PRSS56: variants seen among roughly 807,000 people sequenced by gnomAD.
PRSS56 encodes the protein serine protease 56.
Under a neutral mutation model 66.8 loss-of-function variants are expected in PRSS56, and 55 were observed. The ratio of observed to expected loss-of-function variants is 0.82; its 90% CI spans 0.66 to 1.03. The LOEUF is 1.03. Ranked by LOEUF, PRSS56 falls within the 50% of genes least tolerant of loss-of-function variation. PRSS56 has a pLI of 0.00. For missense variants in PRSS56, 869 were observed against 837.2 expected, an observed-to-expected ratio of 1.04 and a Z score of -0.47; for synonymous variants, 409 against 387.9, an observed-to-expected ratio of 1.05 and a Z score of -0.64.
chr2:232,524,434 G>A, intron 11 of PRSS56, 65 bp downstream of exon 11: 1 of 1,461,174 alleles, frequency 6.8e-7, no homozygotes, highest in Non-Finnish European at 9.2e-7. Context: ...GGTCGGAAGC[G>A]CTTCTACTGC....
rs532767577 is a variant in PRSS56, at chr2:232,522,017, C to T, written c.303C>T (p.Ala101=). The part of the protein sequence containing the change: ...RRPSTANVTR[A]HGRIVGGSAA... ...CGAGCACTGCCAATGTGACGCGGGC[C>T]CACGGCCGCATCGTGGGGGGCAGCG... Residue 101 remains alanine, a synonymous_variant, in exon 4 of 13, where the codon GCC becomes GCT. Transcript: ENST00000617714. 2.1e-4 allele frequency: 308 copies of T among 1,455,146 alleles called. No homozygotes were observed. Among genetic ancestry groups the T allele is most frequent in the Admixed American group, 1.1e-3 (44 of 38,716 alleles). The allele number at this position is 1,455,146 out of a possible 1,614,324, so 90.1% of individuals were successfully genotyped here. A position where few individuals can be genotyped will look rare whatever the true frequency, so the allele number is the denominator to read the frequency against.
Position 232,524,731 on chromosome 2 carries a change from C to T in PRSS56, c.1415-7C>T. 2.0e-6 allele frequency: 3 copies of T among 1,511,694 alleles called. No individual in the cohort carries two copies. Among genetic ancestry groups the T allele is most frequent in the Non-Finnish European group, 2.7e-6 (3 of 1,128,924 alleles). The allele number at this position is 1,511,694 out of a possible 1,614,324, so 93.6% of individuals were successfully genotyped here. On this transcript the variant is annotated splice_polypyrimidine_tract_variant and splice_region_variant and intron_variant, in intron 11 of 12. Transcript: ENST00000617714. ...CATTATTCCCGGGGCCTCTCCTCTT[C>T]CTCCAGGCTGCCCTGGGCTGGAGCC... is the stretch of plus-strand genomic sequence containing the variant.
rs730882159 is a variant in PRSS56, at chr2:232,523,180, C to CG, written c.833dup (p.Val279ArgfsTer2). On this transcript the variant is annotated frameshift_variant, in exon 7 of 13. Transcript: ENST00000617714. LOFTEE classifies it high-confidence loss of function. ...ACCATGCTCTGCGCCGGGTACCTGGCGGGGGGCGTTGACTCGTGCCAGGTA... is the reference window on the plus strand; with the variant it reads ...ACCATGCTCTGCGCCGGGTACCTGGCGGGGGGGCGTTGACTCGTGCCAGGTA... 1.3e-5 allele frequency: 19 copies of CG among 1,481,834 alleles called. No homozygotes were observed. Among genetic ancestry groups the CG allele is most frequent in the Non-Finnish European group, 1.7e-5 (19 of 1,119,774 alleles). 91.8% of individuals were successfully genotyped at this position (1,481,834 alleles called of 1,614,324 possible).
chr2:232,522,557 G>A lies in PRSS56; in HGVS notation c.489G>A (p.Gly163=), dbSNP rs1691305150. Reference sequence around the variant, plus strand: ...TGTGGACTGTGACGCTGGCAGAGGGGTCCCGGGGGGAGCAAGCGGAGGAGG... The same window carrying A: ...TGTGGACTGTGACGCTGGCAGAGGGATCCCGGGGGGAGCAAGCGGAGGAGG... ...ELLWTVTLAE[G]SRGEQAEEVP... The change falls in exon 5 of 13, where the codon GGG becomes GGA. Residue 163 remains glycine, a synonymous_variant. Transcript: ENST00000617714. The A allele has an allele frequency of 4.6e-6, 7 of 1,535,292 alleles. No homozygotes were observed. Among genetic ancestry groups the A allele is most frequent in the South Asian group, 2.4e-5 (2 of 84,006 alleles).
chr2:232,524,108 C>G lies in PRSS56; in HGVS notation c.1256C>G (p.Pro419Arg), dbSNP rs1431816684. Residue 419 changes from proline to arginine, a missense_variant, in exon 10 of 13, where the codon CCG becomes CGG. By Grantham distance (103) the Pro-to-Arg change is moderately radical (BLOSUM62 -2). Coordinates refer to ENST00000617714, the MANE Select transcript of PRSS56 (RefSeq NM_001195129.2). ...RNAQELLGPR[P>R]GLRRLAPALA... The stretch of plus-strand genomic sequence containing the variant: ...GCGCAGGAGCTGCTCGGGCCTCGTC[C>G]GGGACTGCGGCGCCTGGCCCCCGCC... The G allele has an allele frequency of 6.6e-7, 1 of 1,515,218 alleles. No individual in the cohort carries two copies. The highest frequency in any genetic ancestry group is 1.4e-5 in the African/African-American group (1 of 70,496). 93.9% of individuals were successfully genotyped at this position (1,515,218 alleles called of 1,614,324 possible). A position where few individuals can be genotyped will look rare whatever the true frequency, so the allele number is the denominator to read the frequency against.
At position 232,522,611 on chromosome 2, in the gene PRSS56, C is replaced by T; in HGVS notation, c.543C>T (p.Pro181=). Residue 181 remains proline (P), a synonymous_variant, in exon 5 of 13, where the codon CCC becomes CCT. Transcript: ENST00000617714. The part of the protein sequence containing the change: ...EVPVNRILPH[P]KFDPRTFHND... ...CAGTGAACCGCATCCTGCCCCACCC[C>T]AAGGTGAGAAGGCAGTCCCCAGGCC... The T allele has an allele frequency of 6.5e-7, 1 of 1,535,192 alleles. No homozygotes were observed. The highest frequency in any genetic ancestry group is 8.7e-7 in the Non-Finnish European group (1 of 1,146,370).
intron 2 of PRSS56, 27 bp from the exon 3 acceptor site, chr2:232,521,789 G>A: frequency 1.3e-6 from 2 of 1,535,246 alleles, no homozygotes; most frequent in African/African-American, 2.7e-5. Flanking sequence ...GGGCAGCAGT[G>A]AGACTCAAAG....
intron 2 of PRSS56, 44 bp downstream of exon 2, chr2:232,521,472 C>G: frequency 7.0e-7 from 1 of 1,437,676 alleles, no homozygotes; most frequent in Non-Finnish European, 9.5e-7. Context: ...TGCTGCCTAC[C>G]CTGGGCCCAT....
Position 232,522,309 on chromosome 2 carries a change from C to G in PRSS56, c.446+149C>G, listed in dbSNP as rs1215822110. The G allele has an allele frequency of 4.1e-5, 37 of 892,658 alleles. No individual in the cohort carries two copies. In the East Asian group the frequency reaches 1.2e-3, roughly 28 times the overall value. The allele number at this position is 892,658 out of a possible 1,614,324, so 55.3% of individuals were successfully genotyped here. A position where few individuals can be genotyped will look rare whatever the true frequency, so the allele number is the denominator to read the frequency against. On this transcript the variant is annotated intron_variant, in intron 4 of 12. Coordinates refer to ENST00000617714, the MANE Select transcript of PRSS56 (RefSeq NM_001195129.2). ...CCCGGGCTTCCCCATCTCAAGGCGCCGCGCCCGCCCCGCCAGGATGCCAGC... is the reference window on the plus strand; with the variant it reads ...CCCGGGCTTCCCCATCTCAAGGCGCGGCGCCCGCCCCGCCAGGATGCCAGC...
At chr2:232,524,232 C>G (rs1691353843) in intron 10 of PRSS56, 29 bp downstream of exon 10, 3 of 1,534,144 alleles carry the variant, frequency 2.0e-6, no homozygotes, top group Non-Finnish European at 8.7e-7. Flanking sequence ...CCCAGCCCAG[C>G]CCTGGCCCGG....
At position 232,525,290 on chromosome 2, in the gene PRSS56, G is replaced by T. The variant is rs754483534; in HGVS notation, c.1596G>T (p.Arg532=). 1 of 1,522,818 alleles carries T rather than the reference G, an allele frequency of 6.6e-7. No homozygotes were observed. Among genetic ancestry groups the T allele is most frequent in the African/African-American group, 1.4e-5 (1 of 72,834 alleles). 94.3% of individuals were successfully genotyped at this position (1,522,818 alleles called of 1,614,324 possible). Residue 532 remains arginine (R), a synonymous_variant, in exon 13 of 13, where the codon CGG becomes CGT. Transcript: ENST00000617714. The part of the protein sequence containing the change: ...RAWVRAGLGG[R]HVAFSGLVGL... ...GGGTGCGGGCAGGCTTGGGGGGCCG[G>T]CATGTGGCCTTCAGCGGCCTGGTGG...
At position 232,523,107 on chromosome 2, in the gene PRSS56, A is replaced by C; in HGVS notation, c.754A>C (p.Ser252Arg). The C allele has an allele frequency of 1.3e-6, 2 of 1,534,940 alleles. No homozygotes were observed. Among genetic ancestry groups the C allele is most frequent in the Non-Finnish European group, 1.7e-6 (2 of 1,146,300 alleles). Residue 252 changes from serine (S) to arginine (R), a missense_variant, in exon 7 of 13, where the codon AGC (serine) becomes CGC (arginine). Around this residue, in one of 3 missense-constraint regions of PRSS56, gnomAD observed 551 missense variants for 506.9 expected, o/e 1.09. Transcript: ENST00000617714. Reference protein sequence around the residue: ...AVREARVPLLSTDTCRRALGP... With the variant: ...AVREARVPLLRTDTCRRALGP... ...GAGAGAGGCCCGTGTTCCCCTGCTC[A>C]GCACCGACACCTGCCGAAGAGCCCT... is the stretch of plus-strand genomic sequence containing the variant.
At chr2:232,524,664 T>C (rs546881034) in intron 11 of PRSS56, 74 bp from the exon 12 acceptor site, 206 of 1,063,344 alleles carry the variant, frequency 1.9e-4, no homozygotes, top group Non-Finnish European at 2.6e-4. Flanking sequence ...CATCCTGAGG[T>C]GCTGGTGGGA....
At chr2:232,522,281 G>T in intron 4 of PRSS56, 121 bp downstream of exon 4, 4 of 1,029,772 alleles carry the variant, frequency 3.9e-6, no homozygotes, top group Non-Finnish European at 5.1e-6. Flanking sequence ...GGCGGCGGCC[G>T]GCCCCGGGCT....
At position 232,522,510 on chromosome 2, in the gene PRSS56, C is replaced by T; in HGVS notation, c.447-5C>T. ...CCTGCGTCTCAGCTGCCGCTCGACC[C>T]GCAGCGCCCCGAATGAGCTTCTGTG... On this transcript the variant is annotated splice_polypyrimidine_tract_variant and splice_region_variant and intron_variant, in intron 4 of 12. Coordinates refer to ENST00000617714, the MANE Select transcript of PRSS56 (RefSeq NM_001195129.2). The T allele has an allele frequency of 2.0e-6, 3 of 1,528,046 alleles. No homozygotes were observed. The highest frequency in any genetic ancestry group is 2.6e-6 in the Non-Finnish European group (3 of 1,142,700). The allele number at this position is 1,528,046 out of a possible 1,614,324, so 94.7% of individuals were successfully genotyped here.
At position 232,522,045 on chromosome 2, in the gene PRSS56, G is replaced by A; in HGVS notation, c.331G>A (p.Ala111Thr). 1 of 1,487,402 alleles carries A rather than the reference G, an allele frequency of 6.7e-7. No homozygotes were observed. The highest frequency in any genetic ancestry group is 8.9e-7 in the Non-Finnish European group (1 of 1,125,748). 92.1% of individuals were successfully genotyped at this position (1,487,402 alleles called of 1,614,324 possible). Residue 111 changes from alanine to threonine, a missense_variant, in exon 4 of 13, where the codon GCG becomes ACG. Coordinates refer to ENST00000617714, the MANE Select transcript of PRSS56 (RefSeq NM_001195129.2). The stretch of plus-strand genomic sequence containing the variant: ...CGGCCGCATCGTGGGGGGCAGCGCG[G>A]CGCCGCCCGGGGCCTGGCCCTGGCT... ...AHGRIVGGSA[A>T]PPGAWPWLVR... is the part of the protein sequence containing the mutation.
In PRSS56 at chr2:232,520,459, G is replaced by A. The variant is rs1691253203; in HGVS notation, c.-140G>A. On this transcript the variant is annotated 5_prime_UTR_variant, in exon 1 of 13. Coordinates refer to ENST00000617714, the MANE Select transcript of PRSS56 (RefSeq NM_001195129.2). ...GGTAATTTTGATGTAAGAGAACGGG[G>A]TCAGATGATTTGAGGGACAAGAATT... 1 of 713,782 alleles carries A rather than the reference G, an allele frequency of 1.4e-6. No homozygotes were observed. The highest frequency in any genetic ancestry group is 2.5e-6 in the Non-Finnish European group (1 of 404,138). The allele number at this position is 713,782 out of a possible 1,614,324, so 44.2% of individuals were successfully genotyped here.
intron 12 of PRSS56, 55 bp from the exon 13 acceptor site, chr2:232,525,161 G>A: frequency 7.0e-7 from 1 of 1,421,832 alleles, no homozygotes; most frequent in Admixed American, 2.8e-5. Flanking sequence ...GACCTCTGGG[G>A]TTTCAACTCA....
In PRSS56 at chr2:232,525,605, T is replaced by A. The variant is rs1347861574; in HGVS notation, c.*99T>A. The stretch of plus-strand genomic sequence containing the variant: ...GACAAACTGTCGCTGCCCCAGTGGC[T>A]GGGTGTGTGTGGGTGGGATGGGGTG... On this transcript the variant is annotated 3_prime_UTR_variant, in exon 13 of 13. Transcript: ENST00000617714. 3 of 306,332 alleles carry A rather than the reference T, an allele frequency of 9.8e-6. No individual in the cohort carries two copies. The highest frequency in any genetic ancestry group is 4.7e-5 in the African/African-American group (2 of 42,468). 19.0% of individuals were successfully genotyped at this position (306,332 alleles called of 1,614,324 possible).
Sources: allele counts gnomAD v4.1 joint callset, GRCh38; gene constraint gnomAD v4.1.1; regional missense constraint gnomAD v4.1.1; transcripts MANE v1.5; gene names NCBI Gene and HGNC (gene_info 2026-07-23, HGNC 2026-07-21).